ASB4: variants seen among roughly 807,000 people sequenced by gnomAD.
ASB4 encodes ankyrin repeat and SOCS box containing 4, also known as ankyrin repeat and SOCS box protein 4.
ASB4 carries 35 observed loss-of-function variants against 38.6 expected under a neutral mutation model. That is an observed-to-expected ratio of 0.91 (90% CI 0.69 to 1.20). ASB4 has a LOEUF of 1.20. Ranked by LOEUF, ASB4 falls within the 50% of genes most tolerant of loss-of-function variation. The probability of loss-of-function intolerance (pLI) is 0.00; values close to 1 mark genes in which losing one functional copy is unlikely to be tolerated. For synonymous variants in ASB4, 195 were observed against 201.3 expected, an observed-to-expected ratio of 0.97 and a Z score of 0.26; for missense variants, 557 against 527.2, an observed-to-expected ratio of 1.06 and a Z score of -0.55.
chr7:95,483,224 C>G (rs1475132014), upstream of ASB4, among the ~76,000 whole-genome samples: 1 of 152,196 alleles, frequency 6.6e-6, no homozygotes, highest in Non-Finnish European at 1.5e-5. Flanking sequence ...TTTCAGTCAC[C>G]ATGAGGTCTC....
the ASB4 span, among the ~76,000 whole-genome samples, chr7:95,548,882 T>C: frequency 6.6e-6 from 1 of 152,188 alleles, no homozygotes; most frequent in South Asian, 2.1e-4. Context: ...TATAACCCTA[T>C]GAGGAAAATA....
intron 2 of ASB4, among the ~76,000 whole-genome samples, chr7:95,505,934 C>T (rs1790402055): frequency 6.6e-6 from 1 of 152,070 alleles, no homozygotes; most frequent in African/African-American, 2.4e-5. Flanking sequence ...CACTCTGTCA[C>T]CCAGGCTAGA....
At chr7:95,545,247 T>C in the ASB4 span, among the ~76,000 whole-genome samples, 1 of 152,230 alleles carries the variant, frequency 6.6e-6, no homozygotes, top group Admixed American at 6.5e-5. Context: ...AAAGGCCGTC[T>C]TGAAGAAAAT....
At chr7:95,548,957 C>T in the ASB4 span, among the ~76,000 whole-genome samples, 1 of 152,152 alleles carries the variant, frequency 6.6e-6, no homozygotes, top group Non-Finnish European at 1.5e-5. Flanking sequence ...TGCCTAGGAT[C>T]TCACAGGTAA....
chr7:95,530,062 A>G (rs117393944), intron 3 of ASB4, among the ~76,000 whole-genome samples: 3,378 of 145,180 alleles, frequency 0.023, 81 homozygotes, highest in Admixed American at 0.063. Context: ...ACAACCAAAT[A>G]AATATACTCT....
chr7:95,495,900 T>G lies in ASB4; in HGVS notation c.330T>G (p.Pro110=). 6.2e-7 allele frequency: 1 copy of G among 1,614,158 alleles called. No homozygotes were observed. The highest frequency in any genetic ancestry group is 8.5e-7 in the Non-Finnish European group (1 of 1,180,020). ...ACTGTAGACCCAATGGGAAAACCCC[T>G]CTTCACGTGGCTTGTGAAATGGCCA... is the stretch of plus-strand genomic sequence containing the variant. ...TINCRPNGKT[P]LHVACEMANV... is the part of the protein sequence containing the mutation. The change falls in exon 2 of 5, where the codon CCT becomes CCG. Residue 110 remains proline, a synonymous_variant. Transcript: ENST00000325885.
chr7:95,533,562 A>G lies in ASB4; in HGVS notation c.979-2875A>G, dbSNP rs562403949. ...AATCTGTCTTCATCTCTTGATCTTC[A>G]TGACCCCCTTGATAATCTCACTTTG... On this transcript the variant is annotated intron_variant, in intron 3 of 4. Coordinates refer to ENST00000325885, the MANE Select transcript of ASB4 (RefSeq NM_016116.3). Among the ~76,000 whole-genome samples the G allele has an allele frequency of 2.1e-3, 319 of 152,244 alleles. 2 individuals are homozygous for G. The highest frequency in any genetic ancestry group is 7.5e-3 in the African/African-American group (311 of 41,544).
At chr7:95,530,479 AGGATGT>A (rs1790805833) in intron 3 of ASB4, among the ~76,000 whole-genome samples, 1 of 152,072 alleles carries the variant, frequency 6.6e-6, no homozygotes, top group Non-Finnish European at 1.5e-5. Flanking sequence ...AGAAAAAATA[AGGATGT>A]GGAGGAACAA....
chr7:95,515,231 T>TTCTC (rs1554349244), intron 2 of ASB4, among the ~76,000 whole-genome samples: 1 of 100,450 alleles, frequency 1.0e-5, no homozygotes, highest in Non-Finnish European at 1.9e-5. Context: ...CTTTCTTTCT[T>TTCTC]TTTCTTTCTT....
At chr7:95,501,905 C>T (rs6973126) in intron 2 of ASB4, among the ~76,000 whole-genome samples, 75,289 of 151,942 alleles carry the variant, frequency 0.5, 18,735 homozygotes, top group East Asian at 0.57. Context: ...GATCCACTTA[C>T]TCTTTCAAGC....
At chr7:95,493,685 C>T (rs558252727) in intron 1 of ASB4, among the ~76,000 whole-genome samples, 1 of 152,128 alleles carries the variant, frequency 6.6e-6, no homozygotes, top group East Asian at 1.9e-4. Context: ...CTGTCCTGAT[C>T]CCCCAACCCC....
upstream of ASB4, among the ~76,000 whole-genome samples, chr7:95,484,060 GCTCATGGCTGTAAT>G (rs1434723990): frequency 6.6e-6 from 1 of 151,744 alleles, no homozygotes; most frequent in Non-Finnish European, 1.5e-5. Flanking sequence ...AGGCATAGTG[GCTCATGGCTGTAAT>G]CCCAGCGCTT....
intron 3 of ASB4, among the ~76,000 whole-genome samples, chr7:95,533,381 G>A (rs1241088124): frequency 1.3e-5 from 2 of 152,066 alleles, no homozygotes; most frequent in Non-Finnish European, 2.9e-5. Flanking sequence ...AACACTCTTC[G>A]TGCTGTGACA....
downstream of ASB4, among the ~76,000 whole-genome samples, chr7:95,541,205 A>G (rs1339095999): frequency 6.6e-6 from 1 of 152,174 alleles, no homozygotes; most frequent in Non-Finnish European, 1.5e-5. Flanking sequence ...CACCTGCTCC[A>G]GGCCTCAGTT....
At chr7:95,550,139 A>C in the ASB4 span, among the ~76,000 whole-genome samples, 2 of 152,186 alleles carry the variant, frequency 1.3e-5, no homozygotes, top group African/African-American at 2.4e-5. Context: ...CTAAAAATTT[A>C]TCTCTTCCAT....
chr7:95,513,250 TTTG>T (rs1390655739), intron 2 of ASB4, among the ~76,000 whole-genome samples: 6 of 114,364 alleles, frequency 5.2e-5, no homozygotes, highest in Non-Finnish European at 6.7e-5. Flanking sequence ...TTGTTTTTTG[TTTG>T]TTTTTTTTTT....
chr7:95,496,570 GGTGCT>G (rs1441915277), intron 2 of ASB4, among the ~76,000 whole-genome samples: 3 of 152,194 alleles, frequency 2.0e-5, no homozygotes, highest in African/African-American at 7.2e-5. Context: ...AGGACGGCCA[GGTGCT>G]GTGGCTCATG....
At chr7:95,515,642 T>C (rs1342242641) in intron 2 of ASB4, among the ~76,000 whole-genome samples, 2 of 152,120 alleles carry the variant, frequency 1.3e-5, no homozygotes, top group African/African-American at 4.8e-5. Flanking sequence ...TCTCAATCTC[T>C]TGACCTTGTG....
intron 2 of ASB4, among the ~76,000 whole-genome samples, chr7:95,526,212 AGGGGT>A: frequency 6.6e-6 from 1 of 152,302 alleles, no homozygotes; most frequent in East Asian, 1.9e-4. Flanking sequence ...ACAATGAGGA[AGGGGT>A]CCCCAGTGGG....
Sources: gnomAD v4.1 joint callset for allele counts (sites outside exome capture counted in the v4.1 genomes callset) on GRCh38, gnomAD v4.1.1 for gene constraint, MANE v1.5 for transcripts, NCBI Gene and HGNC (gene_info 2026-07-23, HGNC 2026-07-21) for gene names.